Variants in ADGB observed in about 807,000 individuals in gnomAD.
ADGB encodes the protein calpain-7-like protein.
Under a neutral mutation model 210.5 loss-of-function variants are expected in ADGB, and 172 were observed. That is an observed-to-expected ratio of 0.82 (90% CI 0.72 to 0.93). The LOEUF (loss-of-function observed/expected upper bound fraction) is 0.93, where lower values mean the gene tolerates loss of function less well. ADGB is among the 40% of genes least tolerant of loss of function. The pLI, the probability that ADGB is intolerant of heterozygous loss-of-function variation, is 0.00. For missense variants in ADGB, 2,025 were observed against 1,964.8 expected (o/e 1.03, Z -0.58); for synonymous variants, 658 against 662.7 (o/e 0.99, Z 0.11).
rs1562278016 is a variant in ADGB at position 146,701,004 on chromosome 6, T to C, written c.1641T>C (p.Ser547=). ...IPPGSDLPSV[S]ETDETATHSQ... is the part of the protein sequence containing the mutation. ...CAGGATCTGATTTACCTTCCGTCAG[T>C]GAAACTGATGAAACTGCAACACATA... The change falls in exon 13 of 36, where the codon AGT becomes AGC. Residue 547 remains serine, a synonymous_variant. Coordinates refer to ENST00000397944, the MANE Select transcript of ADGB (RefSeq NM_024694.4). 6.4e-7 allele frequency: 1 copy of C among 1,551,064 alleles called. No individual in the cohort carries two copies. Among genetic ancestry groups the C allele is most frequent in the Non-Finnish European group, 8.7e-7 (1 of 1,146,490 alleles).
intron 29 of ADGB, among the ~76,000 whole-genome samples, chr6:146,780,131 A>G (rs952254826): frequency 4.6e-5 from 7 of 152,040 alleles, no homozygotes; most frequent in Non-Finnish European, 7.4e-5. Context: ...AAGTTTTTGT[A>G]TACTATTGAA....
At chr6:146,805,980 TG>T (rs1247492842) in intron 35 of ADGB, among the ~76,000 whole-genome samples, 4 of 152,246 alleles carry the variant, frequency 2.6e-5, no homozygotes, top group African/African-American at 9.6e-5. Context: ...TTCACTGTTG[TG>T]TCCCCAGACC....
At chr6:146,777,161 G>A (rs534524618) in intron 29 of ADGB, among the ~76,000 whole-genome samples, 9 of 151,806 alleles carry the variant, frequency 5.9e-5, no homozygotes, top group Non-Finnish European at 1.0e-4. Context: ...TTGCTAATGG[G>A]GTGATTTACA....
chr6:146,750,566 G>A (rs970518246), intron 26 of ADGB, among the ~76,000 whole-genome samples: 1 of 151,980 alleles, frequency 6.6e-6, no homozygotes, highest in Non-Finnish European at 1.5e-5. Context: ...AGAGAAAAAA[G>A]TGTTGTCTTT....
chr6:146,814,788 T>G (rs1778358140), intron 35 of ADGB, among the ~76,000 whole-genome samples: 1 of 152,186 alleles, frequency 6.6e-6, no homozygotes, highest in African/African-American at 2.4e-5. Context: ...AAAAAAAGTA[T>G]GTTTTGACTA....
Position 146,806,879 on chromosome 6 carries a change from T to C in ADGB, c.4818+4868T>C, listed in dbSNP as rs565170511. On this transcript the variant is annotated intron_variant, in intron 35 of 35. Transcript: ENST00000397944. Reference sequence around the variant, plus strand: ...TGCGGTTAAGCAAGAATAAGAACAGTAAATGATCTTGGATTTAACTACATA... The same window carrying C: ...TGCGGTTAAGCAAGAATAAGAACAGCAAATGATCTTGGATTTAACTACATA... Among the ~76,000 whole-genome samples, 4 of 152,286 alleles carry C rather than the reference T, an allele frequency of 2.6e-5. No individual in the cohort carries two copies. The South Asian group carries it at 8.3e-4, about 32-fold the overall frequency.
rs545759340 is a variant in ADGB, at chr6:146,788,580, C to A, written c.4507C>A (p.Arg1503Ser). ...AGTGTCTTCACCAGGGAAAGAAGAG[C>A]GCGAGCAGAGCACACGGAAGGAAAA... ...GGVSSPGKEEREQSTRKENIQ... is the reference protein window; with the variant it reads ...GGVSSPGKEESEQSTRKENIQ... Residue 1503 changes from arginine to serine, a missense_variant, in exon 33 of 36, where the codon CGC becomes AGC. Physicochemically the swap from Arg to Ser is moderately radical, Grantham distance 110. Transcript: ENST00000397944. The A allele has an allele frequency of 1.3e-6, 2 of 1,551,508 alleles. No homozygotes were observed. Among genetic ancestry groups the A allele is most frequent in the African/African-American group, 2.7e-5 (2 of 72,992 alleles).
intron 12 of ADGB, among the ~76,000 whole-genome samples, chr6:146,698,755 G>T (rs766354958): frequency 6.6e-6 from 1 of 151,966 alleles, no homozygotes; most frequent in African/African-American, 2.4e-5. Context: ...GTTTTGTTTT[G>T]TTTTGTTTTT....
intron 12 of ADGB, among the ~76,000 whole-genome samples, chr6:146,697,060 A>C (rs937425206): frequency 1.2e-4 from 18 of 152,146 alleles, no homozygotes; most frequent in South Asian, 8.3e-4. Flanking sequence ...CTCATAGGGA[A>C]AAAAAAGACT....
At chr6:146,745,401 A>T (rs886177971) in intron 25 of ADGB, among the ~76,000 whole-genome samples, 1 of 152,178 alleles carries the variant, frequency 6.6e-6, no homozygotes, top group Non-Finnish European at 1.5e-5. Flanking sequence ...CTTTTCTGCA[A>T]TCTAAAGAGC....
chr6:146,651,771 A>T (rs1013383512), intron 3 of ADGB, among the ~76,000 whole-genome samples: 1 of 152,148 alleles, frequency 6.6e-6, no homozygotes, highest in Non-Finnish European at 1.5e-5. Flanking sequence ...ATGTAATTAG[A>T]TAAGTGAGCA....
chr6:146,753,355 T>C (rs1777354898), intron 27 of ADGB, among the ~76,000 whole-genome samples: 1 of 152,074 alleles, frequency 6.6e-6, no homozygotes, highest in African/African-American at 2.4e-5. Context: ...CATTCTCCGT[T>C]TTTGCACTTA....
chr6:146,679,790 C>T (rs1224716886), intron 9 of ADGB, among the ~76,000 whole-genome samples: 1 of 152,020 alleles, frequency 6.6e-6, no homozygotes, highest in Non-Finnish European at 1.5e-5. Context: ...TAAAAAGAAA[C>T]CTTGATGCAA....
chr6:146,627,859 C>T (rs1781000847), intron 1 of ADGB, among the ~76,000 whole-genome samples: 1 of 152,102 alleles, frequency 6.6e-6, no homozygotes, highest in Non-Finnish European at 1.5e-5. Context: ...TGTTACCTTG[C>T]AATCTGAAAA....
In ADGB at chr6:146,716,925, A is replaced by T. The variant is rs1776743878; in HGVS notation, c.1784A>T (p.Gln595Leu). The T allele has an allele frequency of 6.4e-7, 1 of 1,551,298 alleles. No individual in the cohort carries two copies. Among genetic ancestry groups the T allele is most frequent in the Non-Finnish European group, 8.7e-7 (1 of 1,146,848 alleles). Residue 595 changes from glutamine (Q) to leucine (L), a missense_variant, in exon 15 of 36, where the codon CAG becomes CTG. Coordinates refer to ENST00000397944, the MANE Select transcript of ADGB (RefSeq NM_024694.4). ...QTDFGLGDAHQSDGLNLEREI... is the reference protein window; with the variant it reads ...QTDFGLGDAHLSDGLNLEREI... ...GACTTTGGATTGGGTGATGCTCATC[A>T]GAGTGATGGATTAAACTTGGAAAGA...
Position 146,715,841 on chromosome 6 carries a change from G to A in ADGB, c.1741+426G>A, listed in dbSNP as rs188049125. 4.0e-3 allele frequency among the ~76,000 whole-genome samples: 610 copies of A among 151,972 alleles called. 3 individuals carry two copies. Among genetic ancestry groups the A allele is most frequent in the Admixed American group, 0.01 (158 of 15,268 alleles). Reference sequence around the variant, plus strand: ...TCTCAGCACTTTGGGAGGCTGAGGCGGGCAGATCACGAAGTCAGTAGATCG... The same window carrying A: ...TCTCAGCACTTTGGGAGGCTGAGGCAGGCAGATCACGAAGTCAGTAGATCG... On this transcript the variant is annotated intron_variant, in intron 14 of 35. Transcript: ENST00000397944.
At chr6:146,653,929 A>G (rs1384414600) in intron 3 of ADGB, among the ~76,000 whole-genome samples, 1 of 152,108 alleles carries the variant, frequency 6.6e-6, no homozygotes, top group Non-Finnish European at 1.5e-5. Flanking sequence ...TTCCAGCACC[A>G]ACCAATTTAT....
intron 1 of ADGB, among the ~76,000 whole-genome samples, chr6:146,612,874 A>G (rs1011963021): frequency 6.6e-6 from 1 of 152,070 alleles, no homozygotes; most frequent in African/African-American, 2.4e-5. Context: ...CTACCATACT[A>G]TTTACCATTA....
chr6:146,781,562 T>C (rs764177778), intron 29 of ADGB, among the ~76,000 whole-genome samples: 8 of 150,392 alleles, frequency 5.3e-5, no homozygotes, highest in Non-Finnish European at 8.9e-5. Flanking sequence ...AGATCACAAA[T>C]CAATAACTTA....
Sources: gnomAD v4.1 joint callset for allele counts (sites outside exome capture counted in the v4.1 genomes callset) on GRCh38, gnomAD v4.1.1 for gene constraint, MANE v1.5 for transcripts, NCBI Gene and HGNC (gene_info 2026-07-23, HGNC 2026-07-21) for gene names.